Variants in SPATA6 observed in about 807,000 individuals in gnomAD.
The protein encoded by SPATA6 is spermatogenesis-associated protein 6.
Under a neutral mutation model 65.3 loss-of-function variants are expected in SPATA6, and 56 were observed. The ratio of observed to expected loss-of-function variants is 0.86; its 90% CI spans 0.69 to 1.07. SPATA6 has a LOEUF of 1.07. SPATA6 is among the 50% of genes least tolerant of loss of function. The probability of loss-of-function intolerance (pLI) is 0.00; values close to 1 mark genes in which losing one functional copy is unlikely to be tolerated. For synonymous variants in SPATA6, 199 were observed against 213.2 expected (o/e 0.93, Z 0.58); for missense variants, 590 against 594.8 (o/e 0.99, Z 0.08).
intron 11 of SPATA6, among the ~76,000 whole-genome samples, chr1:48,334,324 CA>C (rs376318861): frequency 5.5e-5 from 8 of 145,696 alleles, no homozygotes; most frequent in Admixed American, 1.4e-4. Flanking sequence ...AGAGACACAA[CA>C]AAAAAAAAAG....
intron 3 of SPATA6, chr1:48,436,050 T>A: frequency 1.2e-6 from 2 of 1,609,412 alleles, no homozygotes; most frequent in South Asian, 1.1e-5. Flanking sequence ...CCAGTATCCA[T>A]CAATACTTGG....
intron 9 of SPATA6, among the ~76,000 whole-genome samples, chr1:48,366,571 G>A (rs1294501566): frequency 6.6e-6 from 1 of 152,182 alleles, no homozygotes; most frequent in Non-Finnish European, 1.5e-5. Context: ...AGATTTTCTA[G>A]TTTATTTGCG....
At chr1:48,367,233 G>C (rs1057126780) in intron 9 of SPATA6, among the ~76,000 whole-genome samples, 1 of 152,162 alleles carries the variant, frequency 6.6e-6, no homozygotes, top group Non-Finnish European at 1.5e-5. Flanking sequence ...GTCACTTTCG[G>C]AATAAGTGTG....
intron 9 of SPATA6, among the ~76,000 whole-genome samples, chr1:48,368,289 C>T (rs1298241774): frequency 3.3e-5 from 5 of 152,176 alleles, no homozygotes; most frequent in Non-Finnish European, 5.9e-5. Flanking sequence ...TTGCTCTTCT[C>T]GAGGAGTATC....
the SPATA6 span, among the ~76,000 whole-genome samples, chr1:48,273,201 G>C: frequency 6.6e-6 from 1 of 152,080 alleles, no homozygotes; most frequent in Non-Finnish European, 1.5e-5. Context: ...CCAATTTCAA[G>C]GAGATTTTCC....
intron 12 of SPATA6, among the ~76,000 whole-genome samples, chr1:48,304,405 C>A (rs1195132250): frequency 6.6e-6 from 1 of 152,086 alleles, no homozygotes; most frequent in Non-Finnish European, 1.5e-5. Context: ...AAAAAAGAAC[C>A]AATATTGGGG....
chr1:48,413,006 T>TTA (rs1457952000), intron 4 of SPATA6, 104 bp downstream of exon 4: 2 of 336,740 alleles, frequency 5.9e-6, no homozygotes, highest in Non-Finnish European at 9.7e-6. Flanking sequence ...ATACACTATA[T>TTA]TATATCCTTA....
chr1:48,338,993 C>T (rs1303666462), intron 11 of SPATA6, among the ~76,000 whole-genome samples: 1 of 151,960 alleles, frequency 6.6e-6, no homozygotes, highest in Non-Finnish European at 1.5e-5. Flanking sequence ...TACTGCTCAA[C>T]ATAACTGGTA....
rs550754211 is a variant in SPATA6 at position 48,440,473 on chromosome 1, C to A, written c.238+11079G>T. Among the ~76,000 whole-genome samples, 6 of 152,326 alleles carry A rather than the reference C, an allele frequency of 3.9e-5. 1 individual carries two copies. In the South Asian group the frequency reaches 1.0e-3, roughly 26 times the overall value. ...AGTCAAGTAAATGACAGAATGACAGCTGAAGAAAGGGACAAATTCCCTACC... is the reference window on the plus strand; with the variant it reads ...AGTCAAGTAAATGACAGAATGACAGATGAAGAAAGGGACAAATTCCCTACC... On this transcript the variant is annotated intron_variant, in intron 3 of 12. Coordinates refer to ENST00000371847, the MANE Select transcript of SPATA6 (RefSeq NM_019073.4).
At chr1:48,450,184 G>A (rs893514953) in intron 3 of SPATA6, among the ~76,000 whole-genome samples, 2 of 151,840 alleles carry the variant, frequency 1.3e-5, no homozygotes, top group African/African-American at 4.8e-5. Flanking sequence ...CCAAGTCTTT[G>A]GAGAGTATTA....
intron 9 of SPATA6, among the ~76,000 whole-genome samples, chr1:48,380,928 A>G (rs1031550201): frequency 1.3e-5 from 2 of 152,158 alleles, no homozygotes; most frequent in African/African-American, 2.4e-5. Context: ...TGTGGAAGAC[A>G]ATTTTTCCAC....
intron 12 of SPATA6, among the ~76,000 whole-genome samples, chr1:48,301,755 G>C (rs894429582): frequency 6.6e-6 from 1 of 152,020 alleles, no homozygotes; most frequent in Non-Finnish European, 1.5e-5. Context: ...TTTTTACAAA[G>C]GCACCAAGCA....
chr1:48,332,888 G>C (rs891369640), intron 11 of SPATA6, among the ~76,000 whole-genome samples: 1 of 152,100 alleles, frequency 6.6e-6, no homozygotes, highest in Non-Finnish European at 1.5e-5. Context: ...TTGGACCACA[G>C]TACAATAAAA....
chr1:48,366,165 GC>G (rs1296047392), intron 9 of SPATA6, among the ~76,000 whole-genome samples: 1 of 152,116 alleles, frequency 6.6e-6, no homozygotes, highest in Non-Finnish European at 1.5e-5. Context: ...TGGTGGATAA[GC>G]TTTTTGATGT....
chr1:48,434,836 T>C (rs1172670066), intron 3 of SPATA6, among the ~76,000 whole-genome samples: 2 of 152,158 alleles, frequency 1.3e-5, no homozygotes, highest in African/African-American at 4.8e-5. Flanking sequence ...TCCCAGGGTA[T>C]ACATTAGGCA....
At chr1:48,398,030 A>G (rs1650768710) in intron 7 of SPATA6, among the ~76,000 whole-genome samples, 1 of 151,686 alleles carries the variant, frequency 6.6e-6, no homozygotes, top group South Asian at 2.1e-4. Context: ...AGATGAAAAT[A>G]TAGTATATCC....
intron 11 of SPATA6, among the ~76,000 whole-genome samples, chr1:48,323,303 T>C (rs1365581375): frequency 6.7e-6 from 1 of 149,368 alleles, no homozygotes; most frequent in East Asian, 2.0e-4. Flanking sequence ...TCATTCTCAG[T>C]AAAATAACAC....
intron 3 of SPATA6, among the ~76,000 whole-genome samples, chr1:48,449,565 T>C (rs995970632): frequency 2.0e-5 from 3 of 152,110 alleles, no homozygotes; most frequent in African/African-American, 7.2e-5. Context: ...AATGAGCTAG[T>C]TTTTCTAACA....
chr1:48,272,896 C>A, the SPATA6 span, among the ~76,000 whole-genome samples: 1 of 152,070 alleles, frequency 6.6e-6, no homozygotes. Context: ...TGTTGAGCAA[C>A]TTTTCGTATT....
Sources: gnomAD v4.1 joint callset for allele counts (sites outside exome capture counted in the v4.1 genomes callset) on GRCh38, gnomAD v4.1.1 for gene constraint, MANE v1.5 for transcripts, NCBI Gene and HGNC (gene_info 2026-07-23, HGNC 2026-07-21) for gene names.